The following RFPL1 variants were observed in gnomAD, a reference collection of about 807,000 sequenced individuals.
RFPL1 encodes the protein ret finger protein-like 1.
Under a neutral mutation model 9.6 loss-of-function variants are expected in RFPL1, and 6 were observed. The ratio of observed to expected loss-of-function variants is 0.62; its 90% CI spans 0.34 to 1.23. The LOEUF is 1.23. Among genes scored for constraint, RFPL1 ranks in the 50% most tolerant of loss-of-function variants. The pLI, the probability that RFPL1 is intolerant of heterozygous loss-of-function variation, is 0.03. For synonymous variants in RFPL1, 145 were observed against 149.4 expected (o/e 0.97, Z 0.22); for missense variants, 352 against 398.4 (o/e 0.88, Z 0.99).
At chr22:29,423,511 T>G in the RFPL1 span, among the ~76,000 whole-genome samples, 2 of 152,144 alleles carry the variant, frequency 1.3e-5, no homozygotes, top group African/African-American at 4.8e-5. Flanking sequence ...CCACCACACC[T>G]GATCCCATCA....
chr22:29,428,425 C>T, the RFPL1 span, among the ~76,000 whole-genome samples: 1 of 152,114 alleles, frequency 6.6e-6, no homozygotes, highest in Non-Finnish European at 1.5e-5. Flanking sequence ...TTCAACACCC[C>T]AGTTTTAGAA....
upstream of RFPL1, chr22:29,437,991 C>T: frequency 3.2e-6 from 1 of 317,458 alleles, no homozygotes; most frequent in African/African-American, 2.8e-5. Flanking sequence ...AGGGTCTTAA[C>T]TCTGTTGTCC....
chr22:29,402,255 G>A, the RFPL1 span, among the ~76,000 whole-genome samples: 1 of 150,060 alleles, frequency 6.7e-6, no homozygotes, highest in South Asian at 2.1e-4. Flanking sequence ...AATGGTTTCT[G>A]GGGGTTAAAT....
At chr22:29,395,169 C>T in the RFPL1 span, among the ~76,000 whole-genome samples, 1 of 152,138 alleles carries the variant, frequency 6.6e-6, no homozygotes, top group Non-Finnish European at 1.5e-5. Flanking sequence ...TGCCACTAAC[C>T]GCCACCGTTC....
chr22:29,441,413 GT>G, intron 1 of RFPL1, 128 bp from the exon 2 acceptor site: 1 of 1,163,086 alleles, frequency 8.6e-7, no homozygotes, highest in East Asian at 2.5e-5. Flanking sequence ...CTCATGAAAA[GT>G]TTTGATTTTG....
upstream of RFPL1, chr22:29,438,544 G>A (rs967397601): frequency 1.2e-5 from 16 of 1,337,436 alleles, no homozygotes; most frequent in Non-Finnish European, 1.4e-5. Context: ...CTAGGAGGAG[G>A]TGAAATGACC....
the RFPL1 span, among the ~76,000 whole-genome samples, chr22:29,389,602 C>T: frequency 4.7e-5 from 7 of 147,590 alleles, no homozygotes; most frequent in African/African-American, 1.5e-4. Flanking sequence ...AGGAGAATGG[C>T]GTGAACCCGG....
At chr22:29,407,361 T>G in the RFPL1 span, among the ~76,000 whole-genome samples, 1 of 152,166 alleles carries the variant, frequency 6.6e-6, no homozygotes, top group Admixed American at 6.6e-5. Context: ...TTGCTTTCAG[T>G]TTAGTCAATT....
At chr22:29,412,540 C>T in the RFPL1 span, among the ~76,000 whole-genome samples, 1 of 152,094 alleles carries the variant, frequency 6.6e-6, no homozygotes. Context: ...TTAACATCTT[C>T]AGTATCAAAC....
In RFPL1 at chr22:29,439,051, A is replaced by G. The variant is rs781250456; in HGVS notation, c.260A>G (p.Lys87Arg). Residue 87 changes from lysine (K) to arginine (R), a missense_variant, in exon 1 of 2, where the codon AAG becomes AGG. Lys to Arg is a conservative substitution (Grantham distance 26, BLOSUM62 2). Coordinates refer to ENST00000354373, the Ensembl canonical transcript of RFPL1. ...TGTTGCTGTTCCATGGTCTCTCAGA[A>G]GAACAAAATCAGGCCCAGTTGGCAG... is the stretch of plus-strand genomic sequence containing the variant. 22 of 1,614,148 alleles carry G rather than the reference A, an allele frequency of 1.4e-5. No individual in the cohort carries two copies. In the East Asian group the frequency reaches 4.2e-4, roughly 31 times the overall value.
At chr22:29,423,874 T>C in the RFPL1 span, among the ~76,000 whole-genome samples, 3 of 152,224 alleles carry the variant, frequency 2.0e-5, no homozygotes, top group African/African-American at 7.2e-5. Flanking sequence ...TCTCAGGACA[T>C]CTCCTAGAGC....
chr22:29,396,633 A>AT, the RFPL1 span, among the ~76,000 whole-genome samples: 3 of 152,088 alleles, frequency 2.0e-5, no homozygotes, highest in Non-Finnish European at 4.4e-5. Context: ...TATTAATTTA[A>AT]TTTGTATTAA....
chr22:29,405,607 G>A, the RFPL1 span, among the ~76,000 whole-genome samples: 1 of 152,114 alleles, frequency 6.6e-6, no homozygotes, highest in Non-Finnish European at 1.5e-5. Context: ...CTCAGTTCAG[G>A]GTCCAGGGCA....
chr22:29,401,536 A>T, the RFPL1 span, among the ~76,000 whole-genome samples: 170 of 152,314 alleles, frequency 1.1e-3, no homozygotes, highest in African/African-American at 4.0e-3. Flanking sequence ...CTAGGGCCTT[A>T]GCAGCCTGTT....
At chr22:29,389,811 T>C in the RFPL1 span, among the ~76,000 whole-genome samples, 1 of 152,114 alleles carries the variant, frequency 6.6e-6, no homozygotes, top group African/African-American at 2.4e-5. Context: ...TTTGTTTGTT[T>C]GTTTTGAGAC....
At chr22:29,421,003 A>T in the RFPL1 span, among the ~76,000 whole-genome samples, 1 of 151,852 alleles carries the variant, frequency 6.6e-6, no homozygotes, top group Non-Finnish European at 1.5e-5. Flanking sequence ...TTCTTATTTC[A>T]TCCTCACAAC....
At chr22:29,433,547 G>T in the RFPL1 span, 110 of 178,720 alleles carry the variant, frequency 6.2e-4, no homozygotes, top group Admixed American at 2.0e-3. Flanking sequence ...GGATGCGGAA[G>T]TTTCAAGGTC....
the RFPL1 span, among the ~76,000 whole-genome samples, chr22:29,429,083 TCTCGCTCTGTCAC>T: frequency 6.6e-6 from 1 of 152,050 alleles, no homozygotes; most frequent in Non-Finnish European, 1.5e-5. Context: ...TTAGATAGGG[TCTCGCTCTGTCAC>T]CCAGTCTGGA....
intron 1 of RFPL1, chr22:29,439,643 A>C (rs1312392436): frequency 6.3e-6 from 1 of 159,278 alleles, no homozygotes; most frequent in Non-Finnish European, 1.4e-5. Flanking sequence ...CAAAAAAAAA[A>C]ACCTGATGTC....
Sources: gnomAD v4.1 joint callset for allele counts (sites outside exome capture counted in the v4.1 genomes callset) on GRCh38, gnomAD v4.1.1 for gene constraint, MANE v1.5 for transcripts, NCBI Gene and HGNC (gene_info 2026-07-23, HGNC 2026-07-21) for gene names.